ZNF567: variants seen among roughly 807,000 people sequenced by gnomAD.
ZNF567 encodes the protein zinc finger protein 567.
A neutral mutation model predicts 53.9 loss-of-function variants in ZNF567; 36 were observed. The observed-to-expected ratio is 0.67, with a 90% CI of 0.51 to 0.88. The LOEUF (loss-of-function observed/expected upper bound fraction) is 0.88, where lower values mean the gene tolerates loss of function less well. Ranked by LOEUF, ZNF567 falls within the 40% of genes least tolerant of loss-of-function variation. The pLI is 0.00. For missense variants in ZNF567, 619 were observed against 764.7 expected, an observed-to-expected ratio of 0.81 and a Z score of 2.25; for synonymous variants, 224 against 260.4, an observed-to-expected ratio of 0.86 and a Z score of 1.35.
At chr19:36,675,395 C>T in the ZNF567 span, among the ~76,000 whole-genome samples, 1 of 151,992 alleles carries the variant, frequency 6.6e-6, no homozygotes, top group South Asian at 2.1e-4. Context: ...AAAAAATTGG[C>T]CAGGCGCAGT....
chr19:36,719,479 AACAT>A lies in ZNF567; in HGVS notation c.760_763del (p.Thr254AlafsTer14). The A allele has an allele frequency of 6.2e-7, 1 of 1,610,976 alleles. No homozygotes were observed. Among genetic ancestry groups the A allele is most frequent in the South Asian group, 1.1e-5 (1 of 90,108 alleles). ...AGAAGAGCAACCAATATTGAAAAAAAACATACATGCAATGAATGTGGGAAATCTT... is the reference window on the plus strand; with the variant it reads ...AGAAGAGCAACCAATATTGAAAAAAAACATGCAATGAATGTGGGAAATCTT... On this transcript the variant is annotated frameshift_variant, in exon 6 of 6. Coordinates refer to ENST00000682579, the MANE Select transcript of ZNF567 (RefSeq NM_001322917.1). LOFTEE classifies it high-confidence loss of function.
intron 2 of ZNF567, among the ~76,000 whole-genome samples, chr19:36,692,975 T>C (rs1239219562): frequency 3.3e-5 from 5 of 152,088 alleles, no homozygotes; most frequent in Admixed American, 1.3e-4. Flanking sequence ...CCACTTACTC[T>C]TTCTCAAAGT....
chr19:36,676,054 C>T, the ZNF567 span, among the ~76,000 whole-genome samples: 2 of 97,100 alleles, frequency 2.1e-5, no homozygotes, highest in African/African-American at 7.8e-5. Flanking sequence ...TTATTCTACA[C>T]CTTTTTTTTT....
At chr19:36,710,166 T>G (rs979932114) in intron 3 of ZNF567, among the ~76,000 whole-genome samples, 1 of 152,168 alleles carries the variant, frequency 6.6e-6, no homozygotes, top group Non-Finnish European at 1.5e-5. Flanking sequence ...TACTTTCTCT[T>G]GATTGATTTA....
chr19:36,722,525 C>T (rs1271038111), downstream of ZNF567, among the ~76,000 whole-genome samples: 1 of 152,156 alleles, frequency 6.6e-6, no homozygotes, highest in African/African-American at 2.4e-5. Context: ...TGGTCTTGAA[C>T]TCCTGACCTC....
At chr19:36,684,042 A>ACATTGCATATAAT (rs2038226349), upstream of ZNF567, among the ~76,000 whole-genome samples, 1 of 152,224 alleles carries the variant, frequency 6.6e-6, no homozygotes, top group Non-Finnish European at 1.5e-5. Context: ...TGCACAGAAA[A>ACATTGCATATAAT]GGCATATGCA....
chr19:36,721,407 G>A (rs1039319329), downstream of ZNF567: 3 of 152,122 alleles, frequency 2.0e-5, no homozygotes, highest in African/African-American at 7.2e-5. Context: ...TTCATTCCAA[G>A]AGTATATATG....
At chr19:36,700,396 T>C (rs2039115555) in intron 3 of ZNF567, among the ~76,000 whole-genome samples, 2 of 151,440 alleles carry the variant, frequency 1.3e-5, no homozygotes, top group Non-Finnish European at 2.9e-5. Context: ...TTTTTGGTTT[T>C]GTCTCTGCCC....
At chr19:36,666,973 T>A in the ZNF567 span, 2 of 152,328 alleles carry the variant, frequency 1.3e-5, no homozygotes, top group Non-Finnish European at 2.9e-5. Context: ...AACCTGTTAA[T>A]GTTCGTTTTC....
At chr19:36,715,064 C>A (rs949163900) in intron 5 of ZNF567, among the ~76,000 whole-genome samples, 2 of 152,106 alleles carry the variant, frequency 1.3e-5, no homozygotes, top group African/African-American at 4.8e-5. Context: ...GTTCATCAGG[C>A]GTACTACAGT....
chr19:36,668,567 C>T, the ZNF567 span: 1 of 152,336 alleles, frequency 6.6e-6, no homozygotes, highest in Non-Finnish European at 1.5e-5. Context: ...TGACAGATCT[C>T]TGGACCAGGG....
At chr19:36,722,862 C>T (rs760140972), downstream of ZNF567, among the ~76,000 whole-genome samples, 4 of 151,876 alleles carry the variant, frequency 2.6e-5, no homozygotes, top group Admixed American at 6.6e-5. Context: ...AGAAAACACA[C>T]GTGTGTGTAT....
chr19:36,705,084 T>G (rs991320787), intron 3 of ZNF567, among the ~76,000 whole-genome samples: 1 of 152,200 alleles, frequency 6.6e-6, no homozygotes, highest in Non-Finnish European at 1.5e-5. Context: ...TATGTCTCAC[T>G]TTTTCCCCTG....
chr19:36,701,438 T>C (rs2039179634), intron 3 of ZNF567, among the ~76,000 whole-genome samples: 1 of 151,212 alleles, frequency 6.6e-6, no homozygotes, highest in African/African-American at 2.4e-5. Context: ...GTCTATTAGG[T>C]CCGCTTGGTG....
intron 3 of ZNF567, among the ~76,000 whole-genome samples, chr19:36,697,134 T>C (rs2038928082): frequency 6.6e-6 from 1 of 152,208 alleles, no homozygotes; most frequent in Non-Finnish European, 1.5e-5. Flanking sequence ...TTAATGAACA[T>C]GATGCACATC....
Position 36,720,044 on chromosome 19 carries a change from G to A in ZNF567, c.1320G>A (p.Glu440=). The A allele has an allele frequency of 1.2e-6, 2 of 1,614,004 alleles. No homozygotes were observed. The highest frequency in any genetic ancestry group is 1.1e-5 in the South Asian group (1 of 91,074). Residue 440 remains glutamate (E), a synonymous_variant, in exon 6 of 6, where the codon GAG becomes GAA. Transcript: ENST00000682579. The part of the protein sequence containing the change: ...FSQKTTLALH[E]KTHNEEKPYI... ...AGAAGACAACCCTTGCTCTTCATGAGAAAACTCATAATGAGGAGAAACCCT... is the reference window on the plus strand; with the variant it reads ...AGAAGACAACCCTTGCTCTTCATGAAAAAACTCATAATGAGGAGAAACCCT...
chr19:36,705,759 A>C (rs2039459297), intron 3 of ZNF567, among the ~76,000 whole-genome samples: 1 of 152,180 alleles, frequency 6.6e-6, no homozygotes, highest in East Asian at 1.9e-4. Context: ...GAAGGAAGAA[A>C]GTTGAAATCT....
intron 5 of ZNF567, among the ~76,000 whole-genome samples, chr19:36,714,020 A>C (rs995661573): frequency 5.3e-5 from 8 of 151,974 alleles, no homozygotes; most frequent in Non-Finnish European, 1.0e-4. Flanking sequence ...AACAACTGCC[A>C]CTCTGAATGT....
intron 3 of ZNF567, among the ~76,000 whole-genome samples, chr19:36,703,325 G>C (rs2039310091): frequency 6.6e-6 from 1 of 151,314 alleles, no homozygotes; most frequent in Non-Finnish European, 1.5e-5. Flanking sequence ...TGAGGTGTCA[G>C]TCTGCCCCTA....
Sources: allele counts gnomAD v4.1 joint callset (sites outside exome capture counted in the v4.1 genomes callset), GRCh38; gene constraint gnomAD v4.1.1; transcripts MANE v1.5; gene names NCBI Gene and HGNC (gene_info 2026-07-23, HGNC 2026-07-21).